The following PIGS variants were observed in gnomAD, a reference collection of about 807,000 sequenced individuals.
PIGS encodes phosphatidylinositol glycan anchor biosynthesis class S.
In PIGS, 37 loss-of-function variants were observed where a neutral mutation model predicts 58.2. The ratio of observed to expected loss-of-function variants is 0.64; its 90% CI spans 0.49 to 0.84. The LOEUF is 0.84. Among genes scored for constraint, PIGS ranks in the 40% least tolerant of loss-of-function variants. The pLI, the probability that PIGS is intolerant of heterozygous loss-of-function variation, is 0.00. For missense variants in PIGS, 629 were observed against 710.8 expected, an observed-to-expected ratio of 0.88 and a Z score of 1.31; for synonymous variants, 269 against 289.2, an observed-to-expected ratio of 0.93 and a Z score of 0.71.
At chr17:28,570,293 C>T (rs1052252219) in intron 3 of PIGS, among the ~76,000 whole-genome samples, 1 of 152,206 alleles carries the variant, frequency 6.6e-6, no homozygotes, top group African/African-American at 2.4e-5. Flanking sequence ...TGCGGATCAC[C>T]TGAAGTCAGG....
At chr17:28,570,778 C>G (rs2070422092) in intron 3 of PIGS, 74 bp downstream of exon 3, 1 of 1,435,358 alleles carries the variant, frequency 7.0e-7, no homozygotes, top group African/African-American at 1.4e-5. Context: ...ATGGTACACC[C>G]CCGCTCCTCC....
chr17:28,557,185 A>G (rs113556652), intron 8 of PIGS: 163 of 551,862 alleles, frequency 3.0e-4, no homozygotes, highest in African/African-American at 2.9e-3. Context: ...CTTAGCTCCA[A>G]AACACCCCCG....
chr17:28,567,093 G>T (rs915780731), intron 3 of PIGS, among the ~76,000 whole-genome samples: 1 of 152,160 alleles, frequency 6.6e-6, no homozygotes, highest in African/African-American at 2.4e-5. Context: ...TGATCAAATA[G>T]ATGCTAAAAA....
intron 9 of PIGS, 86 bp from the exon 10 acceptor site, chr17:28,556,352 A>G: frequency 9.7e-7 from 1 of 1,029,640 alleles, no homozygotes; most frequent in Non-Finnish European, 1.5e-6. Flanking sequence ...AAAGGAAAAC[A>G]TATTCTGTGC....
intron 3 of PIGS, among the ~76,000 whole-genome samples, chr17:28,569,414 G>A (rs1287757245): frequency 4.0e-5 from 6 of 150,614 alleles, no homozygotes; most frequent in Non-Finnish European, 8.8e-5. Flanking sequence ...GGTCAAGGCT[G>A]CAGTGGGCCC....
At chr17:28,566,103 T>G (rs899145552) in intron 3 of PIGS, among the ~76,000 whole-genome samples, 1 of 151,622 alleles carries the variant, frequency 6.6e-6, no homozygotes, top group Non-Finnish European at 1.5e-5. Flanking sequence ...CACATTCTTG[T>G]AGTCTCAGCT....
rs1490274644 is a variant in PIGS at position 28,554,938 on chromosome 17, CAGG to C, written c.1302_1304del (p.Asn434_Leu435delinsLys). 1.2e-6 allele frequency: 2 copies of C among 1,613,538 alleles called. No individual in the cohort carries two copies. Among genetic ancestry groups the C allele is most frequent in the Non-Finnish European group, 1.7e-6 (2 of 1,179,732 alleles). On this transcript the variant is annotated inframe_deletion, in exon 11 of 12. Coordinates refer to ENST00000308360, the MANE Select transcript of PIGS (RefSeq NM_033198.4). ...AGGTAAGGGTGGTGGTGGCTGTGGC[CAGG>C]TTCTCCACTGACCGAGCCCAGAGCA...
Position 28,558,575 on chromosome 17 carries a change from T to C in PIGS, c.835A>G (p.Met279Val), listed in dbSNP as rs776231391. ...SVDSQILYYA[M>V]LGVNPRFDSA... ...TCAAAGCGGGGATTCACCCCCAACATTGCATAGTAAAGAATCTGTAGAGCA... is the reference window on the plus strand; with the variant it reads ...TCAAAGCGGGGATTCACCCCCAACACTGCATAGTAAAGAATCTGTAGAGCA... The change falls in exon 8 of 12, where the codon ATG (methionine) becomes GTG (valine). Residue 279 changes from methionine to valine, a missense_variant. Met to Val is a conservative substitution (Grantham distance 21, BLOSUM62 1). Coordinates refer to ENST00000308360, the MANE Select transcript of PIGS (RefSeq NM_033198.4). The C allele has an allele frequency of 8.1e-6, 13 of 1,610,754 alleles. No homozygotes were observed. The highest frequency in any genetic ancestry group is 3.3e-5 in the South Asian group (3 of 90,180).
chr17:28,557,273 C>A (rs891775208), intron 8 of PIGS: 2 of 344,542 alleles, frequency 5.8e-6, no homozygotes, highest in African/African-American at 2.2e-5. Flanking sequence ...CATATTACTA[C>A]AGATAGTTTT....
At chr17:28,571,021 C>T (rs376898178) in intron 2 of PIGS, 28 bp downstream of exon 2, 1 of 1,614,140 alleles carries the variant, frequency 6.2e-7, no homozygotes. Context: ...GGGGGCTGTC[C>T]CCCGACCCTC....
In PIGS at chr17:28,554,915, G is replaced by T; in HGVS notation, c.1328C>A (p.Thr443Asn). 6.2e-7 allele frequency: 1 copy of T among 1,614,128 alleles called. No individual in the cohort carries two copies. The highest frequency in any genetic ancestry group is 8.5e-7 in the Non-Finnish European group (1 of 1,179,988). ...ENLATATTTL[T>N]SLAQLLGKIS... Reference sequence around the variant, plus strand: ...CTTGCCCAGAAGCTGCGCCAGGGAGGTAAGGGTGGTGGTGGCTGTGGCCAG... The same window carrying T: ...CTTGCCCAGAAGCTGCGCCAGGGAGTTAAGGGTGGTGGTGGCTGTGGCCAG... The change falls in exon 11 of 12, where the codon ACC becomes AAC. Residue 443 changes from threonine (T) to asparagine (N), a missense_variant. Transcript: ENST00000308360.
At chr17:28,556,703 G>T in intron 9 of PIGS, 124 bp downstream of exon 9, 2 of 1,294,078 alleles carry the variant, frequency 1.5e-6, no homozygotes, top group Non-Finnish European at 2.1e-6. Context: ...CCTTCCTGGT[G>T]CCTGCCCCTC....
At chr17:28,568,217 C>T (rs1442097208) in intron 3 of PIGS, among the ~76,000 whole-genome samples, 1 of 152,090 alleles carries the variant, frequency 6.6e-6, no homozygotes, top group Non-Finnish European at 1.5e-5. Flanking sequence ...ATTCTCCTGC[C>T]TCAGCCTCCC....
At position 28,553,782 on chromosome 17, in the gene PIGS, C is replaced by T. The variant is rs2070305832; in HGVS notation, c.*438G>A. ...TGAGGGAGAAGGTCCCACAGGTGAC[C>T]AATGCCTGGCCCCTTCATGACAGCA... On this transcript the variant is annotated 3_prime_UTR_variant, in exon 12 of 12. Coordinates refer to ENST00000308360, the MANE Select transcript of PIGS (RefSeq NM_033198.4). The T allele has an allele frequency of 5.4e-6, 1 of 185,568 alleles. No homozygotes were observed. Among genetic ancestry groups the T allele is most frequent in the Non-Finnish European group, 1.1e-5 (1 of 88,340 alleles). 11.5% of individuals were successfully genotyped at this position (185,568 alleles called of 1,614,324 possible). A position where few individuals can be genotyped will look rare whatever the true frequency, so the allele number is the denominator to read the frequency against.
At chr17:28,563,998 C>G in intron 3 of PIGS, 91 bp from the exon 4 acceptor site, 1 of 1,089,452 alleles carries the variant, frequency 9.2e-7, no homozygotes, top group Non-Finnish European at 1.4e-6. Flanking sequence ...CATCTGAGGA[C>G]AGCAAGATGG....
At chr17:28,564,776 G>A (rs539207489) in intron 3 of PIGS, among the ~76,000 whole-genome samples, 7 of 151,712 alleles carry the variant, frequency 4.6e-5, no homozygotes, top group African/African-American at 1.7e-4. Context: ...CTACTTGGGA[G>A]GTTGAGGTGG....
chr17:28,558,417 C>T, intron 8 of PIGS, 59 bp downstream of exon 8: 1 of 1,374,576 alleles, frequency 7.3e-7, no homozygotes, highest in Non-Finnish European at 1.0e-6. Context: ...CCCAGCTGAG[C>T]CGTCAGGGTC....
intron 5 of PIGS, 98 bp from the exon 6 acceptor site, chr17:28,561,727 GACCAAC>G: frequency 8.1e-7 from 1 of 1,231,690 alleles, no homozygotes; most frequent in Non-Finnish European, 1.1e-6. Context: ...CTTTGCCAAT[GACCAAC>G]AGGTTTGCAC....
At chr17:28,560,308 A>G in intron 6 of PIGS, 117 bp from the exon 7 acceptor site, 1 of 1,286,056 alleles carries the variant, frequency 7.8e-7, no homozygotes. Context: ...GCTTTCCATC[A>G]TGGAACCAAA....
Sources: gnomAD v4.1 joint callset for allele counts (sites outside exome capture counted in the v4.1 genomes callset) on GRCh38, gnomAD v4.1.1 for gene constraint, MANE v1.5 for transcripts, NCBI Gene and HGNC (gene_info 2026-07-23, HGNC 2026-07-21) for gene names.